TMEM132C: variants seen among roughly 807,000 people sequenced by gnomAD.
TMEM132C encodes transmembrane protein 132C, also known as protein phosphatase 1, regulatory subunit 152.
TMEM132C carries 29 observed loss-of-function variants against 61.4 expected under a neutral mutation model. That is an observed-to-expected ratio of 0.47 (90% CI 0.35 to 0.64). TMEM132C has a LOEUF of 0.64. Ranked by LOEUF, TMEM132C falls within the 30% of genes least tolerant of loss-of-function variation. TMEM132C has a pLI of 0.00. For missense variants in TMEM132C, 1,408 were observed against 1,476.9 expected (o/e 0.95, Z 0.76); for synonymous variants, 656 against 633.1 (o/e 1.04, Z -0.54).
At chr12:128,678,046 G>T (rs1425699495) in intron 5 of TMEM132C, among the ~76,000 whole-genome samples, 1 of 152,230 alleles carries the variant, frequency 6.6e-6, no homozygotes, top group African/African-American at 2.4e-5. Flanking sequence ...GTCCTTGAGA[G>T]TGTGAAGTTC....
At position 128,669,424 on chromosome 12, in the gene TMEM132C, A is replaced by G; in HGVS notation, c.1313A>G (p.Glu438Gly). 1 of 1,551,628 alleles carries G rather than the reference A, an allele frequency of 6.4e-7. No individual in the cohort carries two copies. Among genetic ancestry groups the G allele is most frequent in the Non-Finnish European group, 8.7e-7 (1 of 1,146,968 alleles). ...VGIVPLAMDT[E>G]ILNTAVLTGK... The stretch of plus-strand genomic sequence containing the variant: ...TTTGATTCTTTTTGGCAGGACACTG[A>G]AATTCTGAACACCGCCGTACTCACA... The change falls in exon 5 of 9, where the codon GAA becomes GGA. Residue 438 changes from glutamate (E) to glycine (G), a missense_variant. By Grantham distance (98) the Glu-to-Gly change is moderately conservative (BLOSUM62 -2). Transcript: ENST00000435159.
At chr12:128,573,876 A>G (rs1000493993) in intron 3 of TMEM132C, among the ~76,000 whole-genome samples, 2 of 135,226 alleles carry the variant, frequency 1.5e-5, no homozygotes, top group Non-Finnish European at 1.5e-5. Context: ...ACTACAATAA[A>G]TTTATTTTAC....
intron 1 of TMEM132C, among the ~76,000 whole-genome samples, chr12:128,388,307 G>A (rs1874652351): frequency 1.3e-5 from 2 of 152,250 alleles, no homozygotes; most frequent in African/African-American, 4.8e-5. Context: ...TCCAGCCGAT[G>A]GCTGCCAGGC....
In TMEM132C at chr12:128,541,670, G is replaced by A. The variant is rs147237412; in HGVS notation, c.975-2287G>A. 9.9e-4 allele frequency among the ~76,000 whole-genome samples: 150 copies of A among 152,258 alleles called. 4 individuals are homozygous for A. Among genetic ancestry groups the A allele is most frequent in the African/African-American group, 3.4e-3 (142 of 41,544 alleles). On this transcript the variant is annotated intron_variant, in intron 2 of 8. Coordinates refer to ENST00000435159, the MANE Select transcript of TMEM132C (RefSeq NM_001136103.3). ...AGTGTCTAACAATTCCTGTTTGCTG[G>A]TTCATATAAAGGAGGGGGACTAAAA... is the stretch of plus-strand genomic sequence containing the variant.
At position 128,706,320 on chromosome 12, in the gene TMEM132C, C is replaced by T; in HGVS notation, c.*25C>T. On this transcript the variant is annotated 3_prime_UTR_variant, in exon 9 of 9. Coordinates refer to ENST00000435159, the MANE Select transcript of TMEM132C (RefSeq NM_001136103.3). ...GGCCCCTCTAGCCAAAGGGCCCTGC[C>T]CAGATGCCTTCCTTGTACTGGAAAC... 5 of 1,481,752 alleles carry T rather than the reference C, an allele frequency of 3.4e-6. No individual in the cohort carries two copies. The highest frequency in any genetic ancestry group is 4.5e-6 in the Non-Finnish European group (5 of 1,116,590). 91.8% of individuals were successfully genotyped at this position (1,481,752 alleles called of 1,614,324 possible).
At chr12:128,550,189 G>A (rs1874119425) in intron 3 of TMEM132C, among the ~76,000 whole-genome samples, 1 of 152,178 alleles carries the variant, frequency 6.6e-6, no homozygotes, top group African/African-American at 2.4e-5. Context: ...TGCTGTCAAG[G>A]GTGGTTTCTG....
intron 1 of TMEM132C, among the ~76,000 whole-genome samples, chr12:128,391,055 G>T (rs1237975708): frequency 6.6e-6 from 1 of 152,166 alleles, no homozygotes; most frequent in Non-Finnish European, 1.5e-5. Context: ...GGGTTCCTGG[G>T]CCAGCAACAT....
At chr12:128,658,094 CATGGAGG>C in intron 4 of TMEM132C, among the ~76,000 whole-genome samples, 1 of 127,830 alleles carries the variant, frequency 7.8e-6, no homozygotes, top group Non-Finnish European at 1.7e-5. Flanking sequence ...ACGCAGCTCC[CATGGAGG>C]CCACAAGGCA....
At chr12:128,481,669 C>T (rs1871320469) in intron 2 of TMEM132C, among the ~76,000 whole-genome samples, 1 of 152,192 alleles carries the variant, frequency 6.6e-6, no homozygotes, top group African/African-American at 2.4e-5. Context: ...CTGAATCCTG[C>T]CTTCCCAAAA....
chr12:128,669,562 T>C lies in TMEM132C; in HGVS notation c.1449+2T>C, dbSNP rs1954511029. 6.4e-7 allele frequency: 1 copy of C among 1,551,110 alleles called. No individual in the cohort carries two copies. Among genetic ancestry groups the C allele is most frequent in the Non-Finnish European group, 8.7e-7 (1 of 1,146,724 alleles). On this transcript the variant is annotated splice_donor_variant, in intron 5 of 8. Transcript: ENST00000435159. LOFTEE classifies it high-confidence loss of function. The stretch of plus-strand genomic sequence containing the variant: ...TCCACAGACGAGGACGTTATCAAAG[T>C]AAGTCATTCCACAGCCAGCTGGATG...
intron 2 of TMEM132C, among the ~76,000 whole-genome samples, chr12:128,527,238 G>T (rs996763406): frequency 1.3e-5 from 2 of 152,204 alleles, no homozygotes; most frequent in Non-Finnish European, 2.9e-5. Context: ...ATGAATTCCT[G>T]GGGCACTGGG....
At chr12:128,405,698 C>T (rs1875317946) in intron 1 of TMEM132C, among the ~76,000 whole-genome samples, 1 of 152,136 alleles carries the variant, frequency 6.6e-6, no homozygotes, top group Non-Finnish European at 1.5e-5. Context: ...TATATTAGTA[C>T]ATTATTTATT....
In TMEM132C at chr12:128,437,758, A is replaced by G. The variant is rs773140618; in HGVS notation, c.974+22138A>G. 3 of 152,232 alleles carry G rather than the reference A, an allele frequency of 2.0e-5. No individual in the cohort carries two copies. The South Asian group carries it at 6.2e-4, about 32-fold the overall frequency. 9.4% of individuals were successfully genotyped at this position (152,232 alleles called of 1,614,324 possible). On this transcript the variant is annotated intron_variant, in intron 2 of 8. Transcript: ENST00000435159. ...GATCTTATTTATTTGTTTCCCTTAGAAAATCTTATTTCTGACTAGACTTGG... is the reference window on the plus strand; with the variant it reads ...GATCTTATTTATTTGTTTCCCTTAGGAAATCTTATTTCTGACTAGACTTGG...
chr12:128,525,486 T>C (rs757516719), intron 2 of TMEM132C, among the ~76,000 whole-genome samples: 1 of 152,182 alleles, frequency 6.6e-6, no homozygotes, highest in Non-Finnish European at 1.5e-5. Flanking sequence ...TAATTAAATG[T>C]CTTGCTTTTT....
chr12:128,629,098 C>A (rs186250046), intron 4 of TMEM132C, among the ~76,000 whole-genome samples: 26 of 152,318 alleles, frequency 1.7e-4, no homozygotes, highest in South Asian at 4.1e-4. Context: ...ATTTCAATCT[C>A]TCTTACAAAC....
chr12:128,413,319 A>AAAAC (rs1234419949), intron 1 of TMEM132C, among the ~76,000 whole-genome samples: 1 of 150,834 alleles, frequency 6.6e-6, no homozygotes, highest in African/African-American at 2.4e-5. Flanking sequence ...AAAAAAAAAA[A>AAAAC]AACCAATGTT....
chr12:128,314,186 T>C (rs972690379), intron 1 of TMEM132C, among the ~76,000 whole-genome samples: 1 of 152,214 alleles, frequency 6.6e-6, no homozygotes, highest in African/African-American at 2.4e-5. Context: ...CAGTCACTTA[T>C]TGTTGGAGCC....
intron 2 of TMEM132C, among the ~76,000 whole-genome samples, chr12:128,417,799 G>A (rs1035123658): frequency 5.3e-5 from 8 of 152,160 alleles, no homozygotes; most frequent in African/African-American, 9.6e-5. Flanking sequence ...TTGTATCTTC[G>A]CAGTAAACAG....
intron 1 of TMEM132C, among the ~76,000 whole-genome samples, chr12:128,302,415 ACTC>A (rs773646560): frequency 1.3e-5 from 2 of 152,070 alleles, no homozygotes; most frequent in Non-Finnish European, 2.9e-5. Flanking sequence ...CCTGATTCCT[ACTC>A]CTCATGTTGA....
Sources: gnomAD v4.1 joint callset for allele counts (sites outside exome capture counted in the v4.1 genomes callset) on GRCh38, gnomAD v4.1.1 for gene constraint, MANE v1.5 for transcripts, NCBI Gene and HGNC (gene_info 2026-07-23, HGNC 2026-07-21) for gene names.